The following GRID1 variants were observed in gnomAD, a reference collection of about 807,000 sequenced individuals.
The protein encoded by GRID1 is glutamate receptor ionotropic, delta-1.
In GRID1, 28 loss-of-function variants were observed where a neutral mutation model predicts 98.0. That is an observed-to-expected ratio of 0.29 (90% confidence interval 0.21 to 0.39). The LOEUF is 0.39. Among genes scored for constraint, GRID1 ranks in the 10% least tolerant of loss-of-function variants. The pLI, the probability that GRID1 is intolerant of heterozygous loss-of-function variation, is 1.00. For missense variants in GRID1, 1,111 were observed against 1,340.5 expected, an observed-to-expected ratio of 0.83 and a Z score of 2.67; for synonymous variants, 553 against 538.5, an observed-to-expected ratio of 1.03 and a Z score of -0.37.
At chr10:86,285,369 C>T (rs1285930949) in intron 2 of GRID1, among the ~76,000 whole-genome samples, 1 of 152,238 alleles carries the variant, frequency 6.6e-6, no homozygotes, top group Non-Finnish European at 1.5e-5. Flanking sequence ...TGGTGACATG[C>T]TTGCCTAAAC....
intron 8 of GRID1, among the ~76,000 whole-genome samples, chr10:85,756,911 T>A (rs1842105037): frequency 6.6e-6 from 1 of 152,202 alleles, no homozygotes; most frequent in Non-Finnish European, 1.5e-5. Flanking sequence ...GTAGGCACCA[T>A]TACTGATTCC....
rs59704249 is a variant in GRID1 at position 85,933,285 on chromosome 10, TAAA to T, written c.727-17049_727-17047del. Among the ~76,000 whole-genome samples the T allele has an allele frequency of 3.2e-3, 391 of 120,426 alleles. 2 individuals are homozygous for T. The highest frequency in any genetic ancestry group is 0.011 in the African/African-American group (324 of 28,598). The allele number at this position is 120,426 out of a possible 152,430, so 79.0% of individuals were successfully genotyped here. A position where few individuals can be genotyped will look rare whatever the true frequency, so the allele number is the denominator to read the frequency against. On this transcript the variant is annotated intron_variant, in intron 4 of 15. Coordinates refer to ENST00000327946, the MANE Select transcript of GRID1 (RefSeq NM_017551.3). ...GTATAAGAAATAAATCTCTGTTCTT[TAAA>T]AAAAAAAAAAAAAAAAAAAAAAAAC...
chr10:85,650,673 C>A (rs1315880382), intron 12 of GRID1, among the ~76,000 whole-genome samples: 1 of 152,004 alleles, frequency 6.6e-6, no homozygotes, highest in Non-Finnish European at 1.5e-5. Flanking sequence ...TGGGTAGGAG[C>A]TAAAGAAATG....
chr10:86,211,771 C>A (rs1846111352), intron 2 of GRID1, among the ~76,000 whole-genome samples: 1 of 152,150 alleles, frequency 6.6e-6, no homozygotes. Flanking sequence ...AGCCAGAGAG[C>A]AAACAGCAAA....
At chr10:85,721,169 G>T (rs1012796445) in intron 12 of GRID1, among the ~76,000 whole-genome samples, 1 of 152,158 alleles carries the variant, frequency 6.6e-6, no homozygotes, top group Non-Finnish European at 1.5e-5. Context: ...TATCAGAATG[G>T]TAAAATGAAA....
intron 13 of GRID1, among the ~76,000 whole-genome samples, chr10:85,641,841 G>A (rs1003765479): frequency 3.3e-5 from 5 of 152,164 alleles, no homozygotes; most frequent in Non-Finnish European, 5.9e-5. Flanking sequence ...AGACCTAGAG[G>A]ACAAAAAGGG....
At chr10:85,802,515 C>CTTATTCG (rs1842585826) in intron 8 of GRID1, among the ~76,000 whole-genome samples, 1 of 151,838 alleles carries the variant, frequency 6.6e-6, no homozygotes, top group African/African-American at 2.4e-5. Context: ...TGGTAAAATG[C>CTTATTCG]TTATTCGTAA....
At chr10:85,660,525 C>T (rs7074973) in intron 12 of GRID1, among the ~76,000 whole-genome samples, 3,365 of 152,082 alleles carry the variant, frequency 0.022, 112 homozygotes, top group African/African-American at 0.076. Context: ...GAGAACAGTC[C>T]TAATTCTTAG....
Position 85,920,246 on chromosome 10 carries a change from G to C in GRID1, c.727-4007C>G, listed in dbSNP as rs993076472. ...AATTCATCTCCAAGTCTACTTCTGC[G>C]AAGTCAACTTGAGACAAACACCTCC... On this transcript the variant is annotated intron_variant, in intron 4 of 15. Transcript: ENST00000327946. Among the ~76,000 whole-genome samples, 9 of 151,922 alleles carry C rather than the reference G, an allele frequency of 5.9e-5. No individual in the cohort carries two copies. In the South Asian group the frequency reaches 6.2e-4, roughly 11 times the overall value.
chr10:85,813,222 T>A (rs1458798725), intron 8 of GRID1, among the ~76,000 whole-genome samples: 2 of 151,156 alleles, frequency 1.3e-5, no homozygotes, highest in South Asian at 2.1e-4. Flanking sequence ...TATATATATA[T>A]AAATTACGGA....
chr10:85,698,742 C>T (rs1057096360), intron 12 of GRID1, among the ~76,000 whole-genome samples: 3 of 152,208 alleles, frequency 2.0e-5, no homozygotes, highest in African/African-American at 7.2e-5. Context: ...AAACTGCGAA[C>T]TGTCTGCCAA....
At chr10:85,836,938 G>A (rs1463959135) in intron 8 of GRID1, among the ~76,000 whole-genome samples, 1 of 152,092 alleles carries the variant, frequency 6.6e-6, no homozygotes, top group African/African-American at 2.4e-5. Context: ...GGCTCCTGTG[G>A]CTGCACACCA....
At chr10:86,092,028 T>C (rs1473788744) in intron 4 of GRID1, among the ~76,000 whole-genome samples, 1 of 151,960 alleles carries the variant, frequency 6.6e-6, no homozygotes, top group African/African-American at 2.4e-5. Context: ...ACTACCCAAA[T>C]GAGAAGGAAC....
At chr10:85,920,004 A>T (rs1234715525) in intron 4 of GRID1, among the ~76,000 whole-genome samples, 4 of 152,060 alleles carry the variant, frequency 2.6e-5, no homozygotes, top group Non-Finnish European at 5.9e-5. Flanking sequence ...CTTGGAATGC[A>T]CACCCCTAAC....
chr10:85,873,265 G>C (rs999503771), intron 5 of GRID1, among the ~76,000 whole-genome samples: 1 of 152,200 alleles, frequency 6.6e-6, no homozygotes, highest in Non-Finnish European at 1.5e-5. Context: ...GTGGCTTCTT[G>C]GAAAACAAAC....
At chr10:85,912,225 C>T (rs1250270905) in intron 5 of GRID1, among the ~76,000 whole-genome samples, 1 of 152,094 alleles carries the variant, frequency 6.6e-6, no homozygotes, top group African/African-American at 2.4e-5. Flanking sequence ...CTTTTGAATC[C>T]CCTACCCTCT....
At chr10:85,621,792 C>A (rs553053630) in intron 13 of GRID1, among the ~76,000 whole-genome samples, 4 of 152,238 alleles carry the variant, frequency 2.6e-5, no homozygotes, top group Admixed American at 2.6e-4. Flanking sequence ...ATAAATTTTT[C>A]CTGCTGGCAA....
chr10:85,656,714 A>G (rs533660163), intron 12 of GRID1, among the ~76,000 whole-genome samples: 72 of 152,350 alleles, frequency 4.7e-4, no homozygotes, highest in African/African-American at 1.6e-3. Flanking sequence ...TGTATCGCAC[A>G]TACAAATTTC....
intron 4 of GRID1, among the ~76,000 whole-genome samples, chr10:85,954,228 A>T (rs757549246): frequency 6.6e-6 from 1 of 152,220 alleles, no homozygotes; most frequent in Non-Finnish European, 1.5e-5. Context: ...AGCACTCAGG[A>T]CAGGAGGATG....
Sources: gnomAD v4.1 joint callset for allele counts (sites outside exome capture counted in the v4.1 genomes callset) on GRCh38, gnomAD v4.1.1 for gene constraint, MANE v1.5 for transcripts, NCBI Gene and HGNC (gene_info 2026-07-23, HGNC 2026-07-21) for gene names.